RARB: variants seen among roughly 807,000 people sequenced by gnomAD.
RARB encodes HBV-activated protein.
In RARB, 17 loss-of-function variants were observed where a neutral mutation model predicts 51.9. That is an observed-to-expected ratio of 0.33 (90% CI 0.22 to 0.49). The LOEUF (loss-of-function observed/expected upper bound fraction) is 0.49, where lower values mean the gene tolerates loss of function less well. Ranked by LOEUF, RARB falls within the 20% of genes least tolerant of loss-of-function variation. RARB has a pLI of 0.99. For synonymous variants in RARB, 215 were observed against 195.4 expected (o/e 1.10, Z -0.84); for missense variants, 369 against 550.8 (o/e 0.67, Z 3.30).
At chr3:25,064,011 C>A (rs1226272131) in intron 3 of RARB, among the ~76,000 whole-genome samples, 1 of 151,900 alleles carries the variant, frequency 6.6e-6, no homozygotes, top group East Asian at 1.9e-4. Flanking sequence ...CTCAGGGCAG[C>A]CATAGAGACA....
chr3:25,425,108 A>G (rs963045804), upstream of RARB, among the ~76,000 whole-genome samples: 1 of 152,244 alleles, frequency 6.6e-6, no homozygotes, highest in Non-Finnish European at 1.5e-5. Context: ...GAGATGACAC[A>G]TATCAGAATG....
At chr3:25,471,761 T>C (rs1695709781) in intron 2 of RARB, among the ~76,000 whole-genome samples, 1 of 152,254 alleles carries the variant, frequency 6.6e-6, no homozygotes, top group Admixed American at 6.5e-5. Flanking sequence ...ATTTGCTGTT[T>C]TTGTTATAAC....
rs564836239 is a variant in RARB, at chr3:25,186,230, A to G, written c.178+11655A>G. Among the ~76,000 whole-genome samples, 171 of 152,246 alleles carry G rather than the reference A, an allele frequency of 1.1e-3. 1 individual carries two copies. Among genetic ancestry groups the G allele is most frequent in the Non-Finnish European group, 2.0e-3 (134 of 67,988 alleles). On this transcript the variant is annotated intron_variant, in intron 5 of 11. Coordinates refer to the RARB transcript ENST00000383772. ...CCTCATATTGGTGATACAAATCAAG[A>G]CAACCATGGTATGCCATTTTATATC...
At chr3:25,590,835 A>T (rs1245850571) in intron 5 of RARB, among the ~76,000 whole-genome samples, 2 of 152,142 alleles carry the variant, frequency 1.3e-5, no homozygotes, top group African/African-American at 2.4e-5. Flanking sequence ...GTATTTCCTA[A>T]TGTTTCTCCA....
intron 5 of RARB, among the ~76,000 whole-genome samples, chr3:25,242,723 G>A (rs1308811819): frequency 2.0e-5 from 3 of 152,148 alleles, no homozygotes; most frequent in Non-Finnish European, 2.9e-5. Flanking sequence ...TTGTAATATA[G>A]TTTGAAGTGA....
chr3:25,428,551 A>C lies in RARB; in HGVS notation c.-181A>C. On this transcript the variant is annotated 5_prime_UTR_variant, in exon 1 of 8. Coordinates refer to ENST00000330688, the MANE Select transcript of RARB (RefSeq NM_000965.5). The stretch of plus-strand genomic sequence containing the variant: ...AAAATGGTAAATGATCATTTGGATC[A>C]ATTACAGGCTTTTAGCTGGCTTGTC... 7.0e-6 allele frequency: 9 copies of C among 1,288,638 alleles called. No individual in the cohort carries two copies. Among genetic ancestry groups the C allele is most frequent in the Non-Finnish European group, 8.9e-6 (9 of 1,016,092 alleles). 79.8% of individuals were successfully genotyped at this position (1,288,638 alleles called of 1,614,324 possible). A position where few individuals can be genotyped will look rare whatever the true frequency, so the allele number is the denominator to read the frequency against.
At chr3:25,339,714 T>C (rs1233777362) in intron 5 of RARB, among the ~76,000 whole-genome samples, 1 of 151,974 alleles carries the variant, frequency 6.6e-6, no homozygotes, top group Non-Finnish European at 1.5e-5. Context: ...GTTATAGCCG[T>C]GGTTTGGATG....
At chr3:25,500,853 G>A (rs768672224) in intron 2 of RARB, among the ~76,000 whole-genome samples, 1 of 152,188 alleles carries the variant, frequency 6.6e-6, no homozygotes, top group Middle Eastern at 3.4e-3. Context: ...AATTGTTCTC[G>A]TCAGCAAGGG....
chr3:25,082,823 T>G (rs552243582), intron 3 of RARB, among the ~76,000 whole-genome samples: 7 of 152,234 alleles, frequency 4.6e-5, no homozygotes, highest in African/African-American at 1.7e-4. Context: ...ATATTAATTC[T>G]AATATTGTGC....
chr3:25,226,166 C>T (rs1213862724), intron 5 of RARB, among the ~76,000 whole-genome samples: 1 of 151,978 alleles, frequency 6.6e-6, no homozygotes, highest in African/African-American at 2.4e-5. Context: ...GTTGCCTTTC[C>T]CTTATTTACT....
intron 5 of RARB, among the ~76,000 whole-genome samples, chr3:25,224,699 C>G (rs1702017248): frequency 1.3e-5 from 2 of 152,098 alleles, no homozygotes; most frequent in South Asian, 4.1e-4. Flanking sequence ...CCTCAACCTC[C>G]TGGGCTCAAG....
At chr3:25,259,801 A>T in intron 5 of RARB, 1 of 590,500 alleles carries the variant, frequency 1.7e-6, no homozygotes, top group Non-Finnish European at 2.1e-6. Context: ...GCATGACCCA[A>T]AGTCATCTTC....
At chr3:25,282,336 A>G (rs1174345887) in intron 5 of RARB, among the ~76,000 whole-genome samples, 1 of 152,150 alleles carries the variant, frequency 6.6e-6, no homozygotes, top group Non-Finnish European at 1.5e-5. Context: ...CAGATACCAC[A>G]TGGCTTACTC....
Position 25,596,567 on chromosome 3 carries a change from C to G in RARB, c.1298C>G (p.Pro433Arg), listed in dbSNP as rs571238224. 5.0e-6 allele frequency: 8 copies of G among 1,613,328 alleles called. No homozygotes were observed. The African/African-American group carries it at 9.3e-5, about 19-fold the overall frequency. ...GCAGAGCACAGTCCTAGCATCTCAC[C>G]CAGCTCAGTGGAAAACAGTGGGGTC... is the stretch of plus-strand genomic sequence containing the variant. ...NTAEHSPSIS[P>R]SSVENSGVSQ... The change falls in exon 8 of 8, where the codon CCC becomes CGC. Residue 433 changes from proline (P) to arginine (R), a missense_variant. Pro to Arg is a moderately radical substitution (Grantham distance 103). This residue lies in a region of RARB where 54 missense variants were observed against 43.4 expected (regional missense o/e 1.24). Coordinates refer to ENST00000330688, the MANE Select transcript of RARB (RefSeq NM_000965.5).
Position 25,183,830 on chromosome 3 carries a change from T to A in RARB, c.178+9255T>A, listed in dbSNP as rs75086530. Among the ~76,000 whole-genome samples the A allele has an allele frequency of 7.1e-4, 108 of 152,240 alleles. 1 individual carries two copies. In the East Asian group the frequency reaches 0.016, roughly 23 times the overall value. ...AGCATCTCTCCTGCAATAACACTTA[T>A]TGTCTTCTCCCTTATATTTAGAGCT... On this transcript the variant is annotated intron_variant, in intron 5 of 11. Coordinates refer to the RARB transcript ENST00000383772.
At chr3:25,443,623 A>AT (rs1491116195) in intron 1 of RARB, among the ~76,000 whole-genome samples, 152 of 20,938 alleles carry the variant, frequency 7.3e-3, no homozygotes, top group South Asian at 0.02. Context: ...AAATATATAT[A>AT]AAAAAAAAAA....
At chr3:25,020,070 C>A (rs2125284257) in intron 2 of RARB, 1 of 151,264 alleles carries the variant, frequency 6.6e-6, no homozygotes, top group South Asian at 2.1e-4. Flanking sequence ...AACAAGCCCT[C>A]AGAATAAAAG....
chr3:25,363,455 C>T (rs1203832542), intron 5 of RARB, among the ~76,000 whole-genome samples: 1 of 152,124 alleles, frequency 6.6e-6, no homozygotes, highest in Non-Finnish European at 1.5e-5. Flanking sequence ...CAACTTTCGC[C>T]ATCTGGGTTG....
At position 25,121,828 on chromosome 3, in the gene RARB, C is replaced by A. The variant is rs753293997; in HGVS notation, c.-327-10333C>A. The stretch of plus-strand genomic sequence containing the variant: ...CTCCTAAAAACACTAGGAATAATAA[C>A]CTTGCAGGTATTTGAAGACCATTTG... On this transcript the variant is annotated intron_variant, in intron 3 of 11. Coordinates refer to the RARB transcript ENST00000383772. Among the ~76,000 whole-genome samples the A allele has an allele frequency of 3.9e-5, 6 of 152,208 alleles. No homozygotes were observed. The East Asian group carries it at 9.6e-4, about 24-fold the overall frequency.
Sources: gnomAD v4.1 joint callset for allele counts (sites outside exome capture counted in the v4.1 genomes callset) on GRCh38, gnomAD v4.1.1 for gene constraint, gnomAD v4.1.1 regional missense constraint, MANE v1.5 for transcripts, NCBI Gene and HGNC (gene_info 2026-07-23, HGNC 2026-07-21) for gene names.